STOX2: variants seen among roughly 807,000 people sequenced by gnomAD.
The protein encoded by STOX2 is storkhead box 2, also known as storkhead-box protein 2.
A neutral mutation model predicts 60.9 loss-of-function variants in STOX2; 28 were observed. The observed-to-expected ratio is 0.46, with a 90% CI of 0.34 to 0.63. The LOEUF (loss-of-function observed/expected upper bound fraction) is 0.63, where lower values mean the gene tolerates loss of function less well. STOX2 is among the 30% of genes least tolerant of loss of function. The pLI is 0.01. For missense variants in STOX2, 1,024 were observed against 1,187.7 expected (o/e 0.86, Z 2.03); for synonymous variants, 472 against 463.9 (o/e 1.02, Z -0.22).
intron 1 of STOX2, among the ~76,000 whole-genome samples, chr4:183,897,423 A>G (rs1381756342): frequency 6.6e-6 from 1 of 152,208 alleles, no homozygotes; most frequent in Non-Finnish European, 1.5e-5. Context: ...GGTTCTTCAG[A>G]TGAGCAGATG....
chr4:183,826,382 G>A (rs555393624), intron 1 of STOX2, among the ~76,000 whole-genome samples: 102 of 152,250 alleles, frequency 6.7e-4, no homozygotes, highest in Non-Finnish European at 1.1e-3. Context: ...TATCTCAGGG[G>A]ATACCCAGGC....
rs763045247 is a variant in STOX2 at position 184,009,212 on chromosome 4, G to A, written c.374G>A (p.Arg125Gln). The change falls in exon 3 of 4, where the codon CGG becomes CAG. Residue 125 changes from arginine to glutamine, a missense_variant. By Grantham distance (43) the Arg-to-Gln change is conservative. Around this residue, in one of 3 missense-constraint regions of STOX2, gnomAD observed 922 missense variants for 1,058.3 expected, o/e 0.87. Transcript: ENST00000308497. The surrounding 1 kb of genome is among the most constrained non-coding windows in gnomAD (Gnocchi z 4.0). ...ILRHTLNTLVRERKIYPTPDG... is the reference protein window; with the variant it reads ...ILRHTLNTLVQERKIYPTPDG... ...CGGCACACGCTGAACACGCTGGTAC[G>A]GGAGAGGAAGATCTACCCAACTCCA... 14 of 1,536,774 alleles carry A rather than the reference G, an allele frequency of 9.1e-6. No homozygotes were observed. The highest frequency in any genetic ancestry group is 5.6e-5 in the South Asian group (5 of 88,912).
chr4:183,982,020 T>C (rs1313577124), intron 1 of STOX2, among the ~76,000 whole-genome samples: 1 of 152,212 alleles, frequency 6.6e-6, no homozygotes, highest in East Asian at 1.9e-4. Flanking sequence ...TTACAAGGTG[T>C]TGTGGAGTAA....
intron 1 of STOX2, among the ~76,000 whole-genome samples, chr4:183,931,721 A>G (rs1290312290): frequency 6.6e-6 from 1 of 152,158 alleles, no homozygotes; most frequent in Non-Finnish European, 1.5e-5. Flanking sequence ...ATAAACTGGC[A>G]TGCTGGGGCC....
intron 1 of STOX2, among the ~76,000 whole-genome samples, chr4:183,833,981 C>CAAAA (rs70959149): frequency 1.5e-4 from 12 of 79,798 alleles, no homozygotes; most frequent in East Asian, 4.9e-4. Flanking sequence ...GACTCCGTCT[C>CAAAA]AAAAAAAAAA....
At chr4:183,842,226 T>C (rs1739878789) in intron 1 of STOX2, among the ~76,000 whole-genome samples, 1 of 152,250 alleles carries the variant, frequency 6.6e-6, no homozygotes, top group Non-Finnish European at 1.5e-5. Flanking sequence ...TTAGATCTGC[T>C]TTTTTAGATG....
intron 1 of STOX2, among the ~76,000 whole-genome samples, chr4:183,973,286 G>A (rs1743795317): frequency 6.6e-6 from 1 of 152,018 alleles, no homozygotes. Context: ...ATAAACTGTT[G>A]AAAACTAAAG....
rs190987431 is a variant in STOX2 at position 183,808,421 on chromosome 4, C to T, written c.364+10366C>T. Among the ~76,000 whole-genome samples the T allele has an allele frequency of 1.0e-3, 154 of 152,262 alleles. 1 individual carries two copies. Among genetic ancestry groups the T allele is most frequent in the Middle Eastern group, 6.8e-3 (2 of 294 alleles). ...TGGAGTTAATATAGAACCGCAGAGACGGGAAGCATCCTTTGTTTTTTGTTT... is the reference window on the plus strand; with the variant it reads ...TGGAGTTAATATAGAACCGCAGAGATGGGAAGCATCCTTTGTTTTTTGTTT... On this transcript the variant is annotated intron_variant, in intron 1 of 2. Transcript: ENST00000513034.
intron 1 of STOX2, among the ~76,000 whole-genome samples, chr4:183,918,757 G>C (rs1742004863): frequency 6.6e-6 from 1 of 152,192 alleles, no homozygotes; most frequent in African/African-American, 2.4e-5. Flanking sequence ...AGAATTGGAG[G>C]TCCACTCTTC....
intron 1 of STOX2, among the ~76,000 whole-genome samples, chr4:183,857,692 A>C (rs992873252): frequency 6.6e-6 from 1 of 151,990 alleles, no homozygotes; most frequent in Non-Finnish European, 1.5e-5. Context: ...CCTTCCCCCC[A>C]GCCCTGTCTC....
chr4:183,986,102 C>G (rs1732830114), intron 1 of STOX2, among the ~76,000 whole-genome samples: 2 of 150,666 alleles, frequency 1.3e-5, no homozygotes, highest in Non-Finnish European at 3.0e-5. Flanking sequence ...AAGGGAAAAT[C>G]AAGACCGTAT....
At chr4:183,853,071 C>T (rs1351053538) in intron 1 of STOX2, among the ~76,000 whole-genome samples, 2 of 152,080 alleles carry the variant, frequency 1.3e-5, no homozygotes, top group African/African-American at 2.4e-5. Context: ...TTACGGTCAC[C>T]CTAGTTCTAG....
chr4:183,906,911 C>T lies in STOX2; in HGVS notation c.121C>T (p.Pro41Ser). The T allele has an allele frequency of 6.5e-7, 1 of 1,550,066 alleles. No homozygotes were observed. Among genetic ancestry groups the T allele is most frequent in the Non-Finnish European group, 8.7e-7 (1 of 1,146,044 alleles). Reference sequence around the variant, plus strand: ...GGACTACCGCCTGCACAAGCGTTTCCCCGCGGCCTTCGCGCCCCAGGCTTC... The same window carrying T: ...GGACTACCGCCTGCACAAGCGTTTCTCCGCGGCCTTCGCGCCCCAGGCTTC... ...EKDYRLHKRFPAAFAPQASRG... is the reference protein window; with the variant it reads ...EKDYRLHKRFSAAFAPQASRG... Residue 41 changes from proline (P) to serine (S), a missense_variant, in exon 1 of 4, where the codon CCC becomes TCC. Pro to Ser is a moderately conservative substitution (Grantham distance 74). This residue lies in a region of STOX2 where 98 missense variants were observed against 110.2 expected (regional missense o/e 0.89). Transcript: ENST00000308497.
At chr4:183,983,079 C>T (rs1441575664) in intron 1 of STOX2, among the ~76,000 whole-genome samples, 1 of 152,214 alleles carries the variant, frequency 6.6e-6, no homozygotes, top group East Asian at 1.9e-4. Context: ...GAATCTACCA[C>T]CAGCCATTCT....
chr4:183,879,934 G>GTGCTGCTA (rs1023842619), intron 1 of STOX2, among the ~76,000 whole-genome samples: 30 of 152,180 alleles, frequency 2.0e-4, no homozygotes, highest in African/African-American at 7.0e-4. Flanking sequence ...AGTCCACTTG[G>GTGCTGCTA]TGCTGCTAAC....
At chr4:183,988,865 T>C (rs1269932324) in intron 1 of STOX2, 1 of 152,786 alleles carries the variant, frequency 6.5e-6, no homozygotes, top group East Asian at 1.9e-4. Context: ...TGCAAAGGAA[T>C]ATGGTGAAAT....
chr4:183,964,664 C>T (rs1377959931), intron 1 of STOX2, among the ~76,000 whole-genome samples: 2 of 152,046 alleles, frequency 1.3e-5, no homozygotes, highest in African/African-American at 4.8e-5. Flanking sequence ...CTCACTGCAA[C>T]CCCCGCCTCC....
At chr4:183,851,577 GA>G (rs538612642) in intron 1 of STOX2, among the ~76,000 whole-genome samples, 24 of 114,668 alleles carry the variant, frequency 2.1e-4, no homozygotes, top group African/African-American at 8.6e-4. Flanking sequence ...AAGGATGAGA[GA>G]AAGGATGAGG....
At chr4:183,976,734 G>A (rs1319430245) in intron 1 of STOX2, among the ~76,000 whole-genome samples, 1 of 152,128 alleles carries the variant, frequency 6.6e-6, no homozygotes, top group East Asian at 1.9e-4. Context: ...GAAACCTGTA[G>A]CTAACATCAT....
Sources: allele counts gnomAD v4.1 joint callset (sites outside exome capture counted in the v4.1 genomes callset), GRCh38; gene constraint gnomAD v4.1.1; regional missense constraint gnomAD v4.1.1; non-coding constraint Gnocchi (gnomAD v3.1); transcripts MANE v1.5; gene names NCBI Gene and HGNC (gene_info 2026-07-23, HGNC 2026-07-21).